GLIS3: variants seen among roughly 807,000 people sequenced by gnomAD.
GLIS3 encodes the protein zinc finger protein GLIS3.
In GLIS3, 53 loss-of-function variants were observed where a neutral mutation model predicts 78.6. That is an observed-to-expected ratio of 0.67 (90% CI 0.54 to 0.85). The LOEUF is 0.85. GLIS3 is among the 40% of genes least tolerant of loss of function. The probability of loss-of-function intolerance (pLI) is 0.00; values close to 1 mark genes in which losing one functional copy is unlikely to be tolerated. For synonymous variants in GLIS3, 684 were observed against 509.9 expected, an observed-to-expected ratio of 1.34 and a Z score of -4.60; for missense variants, 1,703 against 1,231.1, an observed-to-expected ratio of 1.38 and a Z score of -5.74.
intron 7 of GLIS3, among the ~76,000 whole-genome samples, chr9:3,892,035 G>T (rs148007518): frequency 6.6e-6 from 1 of 152,126 alleles, no homozygotes; most frequent in Non-Finnish European, 1.5e-5. Context: ...CCAAGGAAAA[G>T]GTTCCAGTGA....
intron 2 of GLIS3, among the ~76,000 whole-genome samples, chr9:4,328,203 C>G (rs113488551): frequency 0.012 from 1,853 of 152,260 alleles, 31 homozygotes; most frequent in African/African-American, 0.042. Context: ...ACTGACTAAC[C>G]CTTTGCAGCT....
intron 2 of GLIS3, among the ~76,000 whole-genome samples, chr9:4,130,626 A>C (rs1012740999): frequency 6.6e-6 from 1 of 152,214 alleles, no homozygotes; most frequent in Non-Finnish European, 1.5e-5. Context: ...CACGAAATGC[A>C]AGAGTTGAGG....
intron 2 of GLIS3, among the ~76,000 whole-genome samples, chr9:4,240,286 C>G (rs1011721139): frequency 3.3e-5 from 5 of 152,028 alleles, no homozygotes; most frequent in African/African-American, 4.8e-5. Context: ...AACCTAGATC[C>G]TCACATGGGC....
chr9:3,874,775 G>T (rs1170656670), intron 8 of GLIS3, among the ~76,000 whole-genome samples: 1 of 152,174 alleles, frequency 6.6e-6, no homozygotes, highest in Non-Finnish European at 1.5e-5. Context: ...GTTGATTATT[G>T]TTGAGTGAGA....
chr9:3,940,735 G>T (rs1235024124), intron 4 of GLIS3, among the ~76,000 whole-genome samples: 1 of 152,180 alleles, frequency 6.6e-6, no homozygotes, highest in Non-Finnish European at 1.5e-5. Flanking sequence ...ACAGTGTGGG[G>T]AGCAGCGATG....
chr9:4,149,063 C>A (rs781634108), intron 2 of GLIS3, among the ~76,000 whole-genome samples: 11 of 152,178 alleles, frequency 7.2e-5, no homozygotes, highest in Middle Eastern at 3.4e-3. Flanking sequence ...GTTTACCTAG[C>A]TATCAACATG....
intron 4 of GLIS3, among the ~76,000 whole-genome samples, chr9:4,051,123 A>T (rs965718427): frequency 2.0e-5 from 3 of 152,204 alleles, no homozygotes; most frequent in Admixed American, 1.3e-4. Flanking sequence ...CCCAGCCCCT[A>T]AAGAAACTGG....
chr9:4,064,038 C>T (rs1826879721), intron 4 of GLIS3, among the ~76,000 whole-genome samples: 1 of 151,498 alleles, frequency 6.6e-6, no homozygotes, highest in South Asian at 2.1e-4. Flanking sequence ...TGTAGAAGCT[C>T]AATAGTTGAC....
At chr9:4,193,430 A>G (rs1818511025) in intron 2 of GLIS3, among the ~76,000 whole-genome samples, 1 of 152,232 alleles carries the variant, frequency 6.6e-6, no homozygotes, top group South Asian at 2.1e-4. Flanking sequence ...TAATTTTGCT[A>G]TCTGGCCTGT....
chr9:4,006,301 T>C (rs1163434926), intron 4 of GLIS3, among the ~76,000 whole-genome samples: 3 of 109,684 alleles, frequency 2.7e-5, no homozygotes, highest in Non-Finnish European at 5.2e-5. Flanking sequence ...TACTCATATG[T>C]CTCAAAAAAA....
chr9:3,888,034 A>G (rs1447288805), intron 7 of GLIS3, among the ~76,000 whole-genome samples: 3 of 152,132 alleles, frequency 2.0e-5, no homozygotes, highest in Non-Finnish European at 1.5e-5. Flanking sequence ...AATAGCTGGA[A>G]CAAGCAAACT....
intron 9 of GLIS3, among the ~76,000 whole-genome samples, chr9:3,830,445 C>A (rs537426824): frequency 6.6e-6 from 1 of 152,180 alleles, no homozygotes; most frequent in Non-Finnish European, 1.5e-5. Flanking sequence ...TCTACATTTC[C>A]TTGTGTCTGT....
the GLIS3 span, among the ~76,000 whole-genome samples, chr9:4,469,850 T>C: frequency 1.2e-4 from 18 of 152,016 alleles, no homozygotes; most frequent in African/African-American, 4.4e-4. Flanking sequence ...CTAGGAGCTG[T>C]TTTTTTGAGA....
chr9:4,235,791 T>G (rs929309498), intron 2 of GLIS3, among the ~76,000 whole-genome samples: 20 of 152,114 alleles, frequency 1.3e-4, no homozygotes, highest in African/African-American at 4.8e-4. Context: ...TAAACATCAA[T>G]AATAACATGG....
chr9:4,352,138 C>A (rs890571975), upstream of GLIS3, among the ~76,000 whole-genome samples: 1 of 152,232 alleles, frequency 6.6e-6, no homozygotes, highest in African/African-American at 2.4e-5. Context: ...ATAGAGGAAG[C>A]TTGTCTCAAT....
intron 9 of GLIS3, among the ~76,000 whole-genome samples, chr9:3,846,713 A>G (rs1819069030): frequency 6.6e-6 from 1 of 152,228 alleles, no homozygotes; most frequent in Non-Finnish European, 1.5e-5. Context: ...GCCATGGCCC[A>G]GAACTTTACT....
rs546110901 is a variant in GLIS3, at chr9:4,051,616, C to T, written c.1710+66152G>A. Among the ~76,000 whole-genome samples, 39 of 152,194 alleles carry T rather than the reference C, an allele frequency of 2.6e-4. No homozygotes were observed. In the South Asian group the frequency reaches 7.1e-3, roughly 28 times the overall value. ...AACATGGTCATAAAGACTTGAGAAACTAAATGCATATTATTTGAAAACTGA... is the reference window on the plus strand; with the variant it reads ...AACATGGTCATAAAGACTTGAGAAATTAAATGCATATTATTTGAAAACTGA... On this transcript the variant is annotated intron_variant, in intron 4 of 10. Coordinates refer to ENST00000381971, the MANE Select transcript of GLIS3 (RefSeq NM_001042413.2).
At chr9:3,961,575 A>G (rs1328823248) in intron 4 of GLIS3, among the ~76,000 whole-genome samples, 1 of 152,224 alleles carries the variant, frequency 6.6e-6, no homozygotes, top group Non-Finnish European at 1.5e-5. Flanking sequence ...CCAACATTCA[A>G]TAGGAAGAAG....
chr9:4,322,699 T>C (rs1817552026), intron 2 of GLIS3, among the ~76,000 whole-genome samples: 1 of 152,268 alleles, frequency 6.6e-6, no homozygotes, highest in Admixed American at 6.5e-5. Context: ...GTTGGCTGCA[T>C]AAAAGTCTTC....
Sources: gnomAD v4.1 joint callset for allele counts (sites outside exome capture counted in the v4.1 genomes callset) on GRCh38, gnomAD v4.1.1 for gene constraint, MANE v1.5 for transcripts, NCBI Gene and HGNC (gene_info 2026-07-23, HGNC 2026-07-21) for gene names.